Variants in RAP1B observed in about 807,000 individuals in gnomAD.
RAP1B encodes the protein ras-related protein Rap-1b.
A neutral mutation model predicts 27.5 loss-of-function variants in RAP1B; 1 was observed. The ratio of observed to expected loss-of-function variants is 0.04; its 90% confidence interval spans 0.01 to 0.17. RAP1B has a LOEUF of 0.17. Ranked by LOEUF, RAP1B falls within the 10% of genes least tolerant of loss-of-function variation. The pLI, the probability that RAP1B is intolerant of heterozygous loss-of-function variation, is 1.00. For synonymous variants in RAP1B, 75 were observed against 73.1 expected (o/e 1.03, Z -0.13); for missense variants, 84 against 214.8 (o/e 0.39, Z 3.81).
intron 1 of RAP1B, among the ~76,000 whole-genome samples, chr12:68,644,142 G>A (rs1873226161): frequency 6.6e-6 from 1 of 152,092 alleles, no homozygotes; most frequent in Non-Finnish European, 1.5e-5. Flanking sequence ...TTTTTGTTTA[G>A]TAATGTGTTT....
chr12:68,649,730 A>G (rs574349868), intron 2 of RAP1B: 1 of 152,342 alleles, frequency 6.6e-6, no homozygotes, highest in East Asian at 1.9e-4. Context: ...TTGTATCCAA[A>G]GTGATGGGGA....
intron 1 of RAP1B, among the ~76,000 whole-genome samples, chr12:68,634,321 T>G (rs949018877): frequency 6.6e-6 from 1 of 152,178 alleles, no homozygotes; most frequent in Non-Finnish European, 1.5e-5. Flanking sequence ...CATTTTCAAA[T>G]GAGGAAATGA....
chr12:68,615,112 A>G (rs1477380422), intron 1 of RAP1B, among the ~76,000 whole-genome samples: 1 of 152,226 alleles, frequency 6.6e-6, no homozygotes, highest in Non-Finnish European at 1.5e-5. Flanking sequence ...AAAAAATAGT[A>G]TCACTTACAT....
At chr12:68,652,432 G>A (rs1165319482) in intron 4 of RAP1B, among the ~76,000 whole-genome samples, 1 of 152,004 alleles carries the variant, frequency 6.6e-6, no homozygotes, top group African/African-American at 2.4e-5. Flanking sequence ...TCCAGCCTGG[G>A]TGACAGAGCG....
At chr12:68,613,216 C>T (rs142985067) in intron 1 of RAP1B, among the ~76,000 whole-genome samples, 62 of 151,810 alleles carry the variant, frequency 4.1e-4, no homozygotes, top group African/African-American at 1.2e-3. Context: ...AAAACATAGC[C>T]GGGTGTAGTG....
In RAP1B at chr12:68,668,769, C is replaced by T. The variant is rs1874951716; in HGVS notation, c.*9520C>T. The stretch of plus-strand genomic sequence containing the variant: ...AGAAAAACCAGCAAATGATAGCTTA[C>T]TTATTCAGTTATTTGGCTTGATACT... On this transcript the variant is annotated 3_prime_UTR_variant, in exon 8 of 8. Transcript: ENST00000250559. The T allele has an allele frequency of 6.6e-6, 1 of 152,100 alleles. No homozygotes were observed. The highest frequency in any genetic ancestry group is 6.6e-5 in the Admixed American group (1 of 15,256). 9.4% of individuals were successfully genotyped at this position (152,100 alleles called of 1,614,324 possible). A position where few individuals can be genotyped will look rare whatever the true frequency, so the allele number is the denominator to read the frequency against.
At chr12:68,648,046 G>A (rs1259992650) in intron 1 of RAP1B, 1 of 152,110 alleles carries the variant, frequency 6.6e-6, no homozygotes, top group East Asian at 1.9e-4. Context: ...AATCCTTGAA[G>A]ACCTTCTGTC....
At chr12:68,653,448 C>T (rs1455681510) in intron 4 of RAP1B, among the ~76,000 whole-genome samples, 1 of 149,482 alleles carries the variant, frequency 6.7e-6, no homozygotes, top group Non-Finnish European at 1.5e-5. Flanking sequence ...GCTGATGGAG[C>T]CCTACAGAAC....
chr12:68,618,667 G>A (rs1416108558), intron 1 of RAP1B, among the ~76,000 whole-genome samples: 1 of 152,110 alleles, frequency 6.6e-6, no homozygotes, highest in Non-Finnish European at 1.5e-5. Flanking sequence ...AACTTCTGGC[G>A]CTTTAGAATA....
At chr12:68,627,001 C>A (rs535925953) in intron 1 of RAP1B, 5 of 1,557,866 alleles carry the variant, frequency 3.2e-6, no homozygotes, top group Non-Finnish European at 3.5e-6. Flanking sequence ...TTGGTGAAGC[C>A]CCACTTCTTT....
At chr12:68,612,142 A>G (rs185739636) in intron 1 of RAP1B, among the ~76,000 whole-genome samples, 372 of 152,336 alleles carry the variant, frequency 2.4e-3, no homozygotes, top group Admixed American at 4.4e-3. Context: ...TTGTGATTTT[A>G]GTATTTTAAA....
At position 68,670,555 on chromosome 12, in the gene RAP1B, A is replaced by T. The variant is rs894399316; in HGVS notation, c.*11306A>T. On this transcript the variant is annotated 3_prime_UTR_variant, in exon 8 of 8. Coordinates refer to ENST00000250559, the MANE Select transcript of RAP1B (RefSeq NM_001010942.3). ...TCAGCTTACAATGGGGTTATGTCCC[A>T]ATAAGCCCATCAGAAGTCAAAAATG... 2 of 152,220 alleles carry T rather than the reference A, an allele frequency of 1.3e-5. No individual in the cohort carries two copies. Among genetic ancestry groups the T allele is most frequent in the African/African-American group, 4.8e-5 (2 of 41,452 alleles). The allele number at this position is 152,220 out of a possible 1,614,324, so 9.4% of individuals were successfully genotyped here.
rs927698694 is a variant in RAP1B, at chr12:68,653,372, T to TA, written c.184-739dup. ...TGATACATGTCAGGCACTGTGTTGTTACCTTCAAATGCTCACAGTCTAGCA... is the reference window on the plus strand; with the variant it reads ...TGATACATGTCAGGCACTGTGTTGTTAACCTTCAAATGCTCACAGTCTAGCA... On this transcript the variant is annotated intron_variant, in intron 4 of 7. Coordinates refer to ENST00000250559, the MANE Select transcript of RAP1B (RefSeq NM_001010942.3). 5.3e-5 allele frequency among the ~76,000 whole-genome samples: 8 copies of TA among 152,150 alleles called. No homozygotes were observed. In the East Asian group the frequency reaches 5.8e-4, roughly 11 times the overall value.
intron 1 of RAP1B, among the ~76,000 whole-genome samples, chr12:68,619,289 AGTG>A (rs1160924054): frequency 2.0e-5 from 3 of 152,190 alleles, no homozygotes; most frequent in Non-Finnish European, 2.9e-5. Flanking sequence ...TAGGGAAAAT[AGTG>A]GTAGTATTTA....
At chr12:68,620,352 T>A (rs866259716) in intron 1 of RAP1B, among the ~76,000 whole-genome samples, 5 of 151,958 alleles carry the variant, frequency 3.3e-5, no homozygotes, top group Non-Finnish European at 7.4e-5. Context: ...GCCTCCCAAG[T>A]AGCTGGGATT....
At chr12:68,611,091 C>T in intron 1 of RAP1B, 48 bp downstream of exon 1, 1 of 213,332 alleles carries the variant, frequency 4.7e-6, no homozygotes, top group Non-Finnish European at 9.1e-6. Flanking sequence ...CGGCGGCGGC[C>T]GCGCGGGGCC....
intron 1 of RAP1B, among the ~76,000 whole-genome samples, chr12:68,614,945 T>C (rs1870874716): frequency 6.6e-6 from 1 of 152,248 alleles, no homozygotes; most frequent in Non-Finnish European, 1.5e-5. Flanking sequence ...CAGTAAAAAC[T>C]GATTTGTATG....
intron 1 of RAP1B, among the ~76,000 whole-genome samples, chr12:68,632,160 T>TC (rs1309232041): frequency 1.5e-4 from 21 of 144,720 alleles, no homozygotes; most frequent in East Asian, 6.2e-4. Context: ...GTTTTTTTTT[T>TC]CCAGACTGTT....
intron 1 of RAP1B, among the ~76,000 whole-genome samples, chr12:68,646,382 A>G (rs184590331): frequency 4.3e-4 from 65 of 151,652 alleles, no homozygotes; most frequent in Non-Finnish European, 8.0e-4. Flanking sequence ...TGCAACCTCC[A>G]CTTCTCGGGT....
Sources: allele counts gnomAD v4.1 joint callset (sites outside exome capture counted in the v4.1 genomes callset), GRCh38; gene constraint gnomAD v4.1.1; transcripts MANE v1.5; gene names NCBI Gene and HGNC (gene_info 2026-07-23, HGNC 2026-07-21).